Variants in NSD3 observed in about 807,000 individuals in gnomAD.
NSD3 encodes histone-lysine N-methyltransferase NSD3.
Under a neutral mutation model 160.8 loss-of-function variants are expected in NSD3, and 24 were observed. That is an observed-to-expected ratio of 0.15 (90% CI 0.11 to 0.21). NSD3 has a LOEUF of 0.21. Ranked by LOEUF, NSD3 falls within the 10% of genes least tolerant of loss-of-function variation. NSD3 has a pLI of 1.00. For missense variants in NSD3, 1,157 were observed against 1,735.9 expected (o/e 0.67, Z 5.93); for synonymous variants, 520 against 600.0 (o/e 0.87, Z 1.95).
intron 4 of NSD3, among the ~76,000 whole-genome samples, chr8:38,334,769 C>A (rs968050268): frequency 3.9e-4 from 57 of 144,652 alleles, no homozygotes; most frequent in African/African-American, 9.5e-4. Context: ...AACAAACAAA[C>A]AAAAAAAACA....
chr8:38,293,922 C>CAAAAAAAAAAAAAAA (rs11290856), intron 16 of NSD3, among the ~76,000 whole-genome samples: 1 of 49,932 alleles, frequency 2.0e-5, no homozygotes, highest in Non-Finnish European at 3.2e-5. Flanking sequence ...GACTCCGTCT[C>CAAAAAAAAAAAAAAA]AAAAAAAAAA....
intron 1 of NSD3, among the ~76,000 whole-genome samples, chr8:38,357,040 A>C (rs936949103): frequency 7.0e-6 from 1 of 142,512 alleles, no homozygotes; most frequent in Admixed American, 7.6e-5. Context: ...AATTGCTTGA[A>C]TCTGGGAGGC....
intron 1 of NSD3, among the ~76,000 whole-genome samples, chr8:38,378,811 G>A (rs1811466552): frequency 6.9e-6 from 1 of 144,444 alleles, no homozygotes; most frequent in Non-Finnish European, 1.5e-5. Flanking sequence ...CAACAGGAGT[G>A]AGACTCCATC....
chr8:38,369,295 C>A (rs1285660206), intron 1 of NSD3, among the ~76,000 whole-genome samples: 1 of 152,114 alleles, frequency 6.6e-6, no homozygotes, highest in African/African-American at 2.4e-5. Flanking sequence ...AATCAGAACA[C>A]CAAGCTTTAG....
chr8:38,330,926 G>T (rs917902458), intron 5 of NSD3, among the ~76,000 whole-genome samples: 8 of 151,898 alleles, frequency 5.3e-5, no homozygotes, highest in African/African-American at 1.9e-4. Context: ...TGTAAAAAGG[G>T]GAATAATAGT....
chr8:38,325,876 G>A (rs981893164), intron 7 of NSD3, among the ~76,000 whole-genome samples: 2 of 151,456 alleles, frequency 1.3e-5, no homozygotes, highest in East Asian at 1.9e-4. Context: ...AAGGCCAGAC[G>A]TGGTGGTTCA....
chr8:38,274,970 A>G lies in NSD3; in HGVS notation c.*671T>C, dbSNP rs1319825693. The G allele has an allele frequency of 1.9e-5, 4 of 209,140 alleles. No individual in the cohort carries two copies. The highest frequency in any genetic ancestry group is 2.9e-5 in the Non-Finnish European group (3 of 102,882). 13.0% of individuals were successfully genotyped at this position (209,140 alleles called of 1,614,324 possible). On this transcript the variant is annotated 3_prime_UTR_variant, in exon 24 of 24. Coordinates refer to ENST00000317025, the MANE Select transcript of NSD3 (RefSeq NM_023034.2). ...ATATACCCTTCTAGGTAAAGTTACC[A>G]TAGTACAAAGCCCACCTTGTTTAAG...
intron 12 of NSD3, among the ~76,000 whole-genome samples, chr8:38,311,722 C>A (rs905770334): frequency 1.2e-4 from 19 of 152,070 alleles, no homozygotes; most frequent in Admixed American, 1.2e-3. Context: ...ATATTTTCTC[C>A]CATTCTGAGG....
At position 38,317,283 on chromosome 8, in the gene NSD3, C is replaced by G; in HGVS notation, c.1856-1241G>C. The G allele has an allele frequency of 9.4e-7, 1 of 1,059,918 alleles. No individual in the cohort carries two copies. Among genetic ancestry groups the G allele is most frequent in the Non-Finnish European group, 1.1e-6 (1 of 875,766 alleles). The allele number at this position is 1,059,918 out of a possible 1,614,324, so 65.7% of individuals were successfully genotyped here. ...TTCCTGACATCTATAAATGAGGGTGCCTGCCCATGTTAATGCTGATTAAAA... is the reference window on the plus strand; with the variant it reads ...TTCCTGACATCTATAAATGAGGGTGGCTGCCCATGTTAATGCTGATTAAAA... On this transcript the variant is annotated intron_variant, in intron 9 of 23. Transcript: ENST00000317025. This position sits in a 1 kb window ranked among gnomAD's most constrained non-coding sequence, Gnocchi z 5.3.
chr8:38,332,652 G>C (rs1403059917), intron 4 of NSD3, among the ~76,000 whole-genome samples: 1 of 152,128 alleles, frequency 6.6e-6, no homozygotes, highest in Non-Finnish European at 1.5e-5. Flanking sequence ...GAGAAGCTCT[G>C]ACAGCAATTT....
intron 6 of NSD3, among the ~76,000 whole-genome samples, chr8:38,328,565 T>C (rs1809971218): frequency 6.6e-6 from 1 of 152,198 alleles, no homozygotes; most frequent in South Asian, 2.1e-4. Flanking sequence ...TAATTAAGCA[T>C]TCCCCTGTTT....
At chr8:38,277,131 G>A (rs1480840737) in intron 22 of NSD3, among the ~76,000 whole-genome samples, 4 of 151,864 alleles carry the variant, frequency 2.6e-5, no homozygotes, top group Non-Finnish European at 4.4e-5. Flanking sequence ...TAGTAGAGAC[G>A]GGGTTTCACT....
chr8:38,344,257 TA>T (rs1389841320), intron 2 of NSD3, among the ~76,000 whole-genome samples: 1 of 152,018 alleles, frequency 6.6e-6, no homozygotes, highest in Non-Finnish European at 1.5e-5. Flanking sequence ...GGTGAAATCT[TA>T]AGGTGTTGTG....
chr8:38,328,435 C>T (rs1479066543), intron 6 of NSD3, among the ~76,000 whole-genome samples: 1 of 152,102 alleles, frequency 6.6e-6, no homozygotes, highest in African/African-American at 2.4e-5. Context: ...TCAAGAGAAC[C>T]AAGTGGGGAC....
In NSD3 at chr8:38,329,913, T is replaced by C. The variant is rs886511590; in HGVS notation, c.1066-20A>G. On this transcript the variant is annotated intron_variant, in intron 5 of 23. Transcript: ENST00000317025. This position sits in a 1 kb window ranked among gnomAD's most constrained non-coding sequence, Gnocchi z 4.8. ...CCGAATCTTTAAAAAAGATAGAGAT[T>C]ATCAGACATGCTTTACTCTAATAGG... 1.3e-6 allele frequency: 2 copies of C among 1,547,806 alleles called. No homozygotes were observed. The highest frequency in any genetic ancestry group is 1.7e-6 in the Non-Finnish European group (2 of 1,155,964).
chr8:38,335,698 T>C (rs1032370557), intron 4 of NSD3, among the ~76,000 whole-genome samples: 3 of 152,142 alleles, frequency 2.0e-5, no homozygotes, highest in African/African-American at 4.8e-5. Flanking sequence ...TCCTCCAACC[T>C]CTGTAAATGA....
intron 19 of NSD3, among the ~76,000 whole-genome samples, chr8:38,285,852 C>T (rs1252518333): frequency 6.6e-6 from 1 of 152,202 alleles, no homozygotes; most frequent in Non-Finnish European, 1.5e-5. Flanking sequence ...CCACTTCCCT[C>T]CTGGCTCAAC....
At chr8:38,371,822 A>AAG (rs1811248899) in intron 1 of NSD3, among the ~76,000 whole-genome samples, 1 of 152,170 alleles carries the variant, frequency 6.6e-6, no homozygotes, top group Non-Finnish European at 1.5e-5. Flanking sequence ...ACGCAAATAG[A>AAG]CCGTATTCAG....
intron 4 of NSD3, among the ~76,000 whole-genome samples, chr8:38,336,857 A>G (rs1005220744): frequency 6.6e-6 from 1 of 152,208 alleles, no homozygotes; most frequent in African/African-American, 2.4e-5. Context: ...AAACTGATAC[A>G]GAGGCCGGGC....
Sources: allele counts gnomAD v4.1 joint callset (sites outside exome capture counted in the v4.1 genomes callset), GRCh38; gene constraint gnomAD v4.1.1; non-coding constraint Gnocchi (gnomAD v3.1); transcripts MANE v1.5; gene names NCBI Gene and HGNC (gene_info 2026-07-23, HGNC 2026-07-21).